Variants in GLIS3 observed in about 807,000 individuals in gnomAD.
GLIS3 encodes zinc finger protein GLIS3.
A neutral mutation model predicts 78.6 loss-of-function variants in GLIS3; 53 were observed. That is an observed-to-expected ratio of 0.67 (90% CI 0.54 to 0.85). The LOEUF is 0.85. Among genes scored for constraint, GLIS3 ranks in the 40% least tolerant of loss-of-function variants. GLIS3 has a pLI of 0.00. For missense variants in GLIS3, 1,703 were observed against 1,231.1 expected (o/e 1.38, Z -5.74); for synonymous variants, 684 against 509.9 (o/e 1.34, Z -4.60).
At chr9:4,176,906 A>G (rs1816858334) in intron 2 of GLIS3, among the ~76,000 whole-genome samples, 1 of 152,228 alleles carries the variant, frequency 6.6e-6, no homozygotes, top group African/African-American at 2.4e-5. Context: ...TTACAGGCGT[A>G]AGCCACCATG....
chr9:3,972,701 G>T (rs57010271), intron 4 of GLIS3, among the ~76,000 whole-genome samples: 4,049 of 152,222 alleles, frequency 0.027, 91 homozygotes, highest in African/African-American at 0.047. Flanking sequence ...ATAGTACTAT[G>T]TGAAAACTCT....
intron 2 of GLIS3, among the ~76,000 whole-genome samples, chr9:4,315,680 A>T (rs73641420): frequency 0.013 from 1,991 of 152,172 alleles, 47 homozygotes; most frequent in African/African-American, 0.046. Context: ...CACAGTGGGG[A>T]CTGGAGACAA....
chr9:3,879,369 T>G, intron 8 of GLIS3, 58 bp downstream of exon 8: 1 of 1,525,808 alleles, frequency 6.6e-7, no homozygotes, highest in Non-Finnish European at 9.1e-7. Flanking sequence ...AAGGCACTTG[T>G]CTGTGAAGGG....
intron 5 of GLIS3, among the ~76,000 whole-genome samples, chr9:3,933,155 G>A (rs1825715511): frequency 6.6e-6 from 1 of 151,956 alleles, no homozygotes; most frequent in Admixed American, 6.6e-5. Context: ...GATGTGAGGT[G>A]TGGTGCTTAA....
At chr9:4,024,122 T>A (rs1823110448) in intron 4 of GLIS3, among the ~76,000 whole-genome samples, 1 of 152,136 alleles carries the variant, frequency 6.6e-6, no homozygotes, top group Non-Finnish European at 1.5e-5. Context: ...AGTTAATTTT[T>A]CCCAAAGTGA....
At chr9:4,036,303 C>G (rs1206499512) in intron 4 of GLIS3, among the ~76,000 whole-genome samples, 2 of 152,038 alleles carry the variant, frequency 1.3e-5, no homozygotes, top group African/African-American at 4.8e-5. Flanking sequence ...TTGCCCTACT[C>G]TAATTTCAAT....
the GLIS3 span, among the ~76,000 whole-genome samples, chr9:4,462,744 A>G: frequency 6.6e-6 from 1 of 152,124 alleles, no homozygotes; most frequent in Non-Finnish European, 1.5e-5. Context: ...CAGAAGTTTG[A>G]GGCTGCAGTG....
intron 2 of GLIS3, among the ~76,000 whole-genome samples, chr9:4,161,524 C>T (rs1007721166): frequency 6.6e-6 from 1 of 152,104 alleles, no homozygotes; most frequent in Non-Finnish European, 1.5e-5. Flanking sequence ...ACTTGTCTCT[C>T]TCCAACTCGT....
At chr9:4,000,841 T>C (rs929795749) in intron 4 of GLIS3, among the ~76,000 whole-genome samples, 2 of 152,218 alleles carry the variant, frequency 1.3e-5, no homozygotes, top group African/African-American at 4.8e-5. Context: ...TGTCTCAATC[T>C]GGCCAGTTCC....
intron 4 of GLIS3, among the ~76,000 whole-genome samples, chr9:3,943,876 T>C (rs1287130273): frequency 1.3e-5 from 2 of 152,252 alleles, no homozygotes; most frequent in East Asian, 3.8e-4. Flanking sequence ...TATCAGACTC[T>C]TTCTGTCATG....
At chr9:4,081,265 T>A (rs1455819363) in intron 4 of GLIS3, 1 of 152,252 alleles carries the variant, frequency 6.6e-6, no homozygotes, top group African/African-American at 2.4e-5. Context: ...TGGACCCTCC[T>A]AGCCAGGCCT....
chr9:4,138,818 A>G (rs1833596439), intron 2 of GLIS3, among the ~76,000 whole-genome samples: 2 of 152,194 alleles, frequency 1.3e-5, no homozygotes, highest in Non-Finnish European at 2.9e-5. Context: ...CACAGTAAGT[A>G]CTCTATAAGC....
At chr9:4,416,258 A>ATT in the GLIS3 span, among the ~76,000 whole-genome samples, 2 of 146,468 alleles carry the variant, frequency 1.4e-5, no homozygotes, top group Admixed American at 6.8e-5. Flanking sequence ...TTTTTAAAAA[A>ATT]AAAAAAAAAA....
At chr9:4,015,596 G>A (rs702262) in intron 4 of GLIS3, among the ~76,000 whole-genome samples, 11,398 of 152,144 alleles carry the variant, frequency 0.075, 1,303 homozygotes, top group African/African-American at 0.25. Context: ...AACAATAATA[G>A]GGATTTTCCA....
chr9:4,456,863 T>G, the GLIS3 span, among the ~76,000 whole-genome samples: 10 of 152,304 alleles, frequency 6.6e-5, no homozygotes, highest in South Asian at 2.1e-3. Context: ...TGGGCATGGT[T>G]CATGGTATCC....
At chr9:3,948,615 T>C (rs1257222498) in intron 4 of GLIS3, among the ~76,000 whole-genome samples, 1 of 152,182 alleles carries the variant, frequency 6.6e-6, no homozygotes. Context: ...ATAATAAGTC[T>C]ATGAAAAATT....
chr9:3,951,016 G>A (rs1490088344), intron 4 of GLIS3, among the ~76,000 whole-genome samples: 2 of 152,086 alleles, frequency 1.3e-5, no homozygotes, highest in African/African-American at 2.4e-5. Context: ...CTCAGGTCTG[G>A]AGACCAAAAA....
intron 9 of GLIS3, among the ~76,000 whole-genome samples, chr9:3,834,267 G>C (rs1185214730): frequency 6.6e-6 from 1 of 152,168 alleles, no homozygotes; most frequent in African/African-American, 2.4e-5. Flanking sequence ...TTCCAAACTA[G>C]AAAGGGAGTG....
chr9:4,485,524 C>G, the GLIS3 span, among the ~76,000 whole-genome samples: 30 of 152,090 alleles, frequency 2.0e-4, no homozygotes, highest in Admixed American at 2.0e-3. Flanking sequence ...CTTAAAAACT[C>G]CAGCCTCCAA....
Sources: gnomAD v4.1 joint callset for allele counts (sites outside exome capture counted in the v4.1 genomes callset) on GRCh38, gnomAD v4.1.1 for gene constraint, MANE v1.5 for transcripts, NCBI Gene and HGNC (gene_info 2026-07-23, HGNC 2026-07-21) for gene names.